Variants in ZNF705G observed in about 807,000 individuals in gnomAD.
The protein encoded by ZNF705G is putative zinc finger protein 705G.
ZNF705G carries 23 observed loss-of-function variants against 19.6 expected under a neutral mutation model. That is an observed-to-expected ratio of 1.17 (90% confidence interval 0.84 to 1.66). ZNF705G has a LOEUF of 1.66. ZNF705G is among the 40% of genes most tolerant of loss of function. The pLI is 0.00. For missense variants in ZNF705G, 457 were observed against 354.4 expected (o/e 1.29, Z -2.32); for synonymous variants, 146 against 117.7 (o/e 1.24, Z -1.56).
At chr8:7,384,848 C>A (rs1331632338) in intron 1 of ZNF705G, among the ~76,000 whole-genome samples, 1 of 146,132 alleles carries the variant, frequency 6.8e-6, no homozygotes, top group Non-Finnish European at 1.5e-5. Context: ...GAACACCTAT[C>A]ACGTACCATG....
intron 1 of ZNF705G, among the ~76,000 whole-genome samples, chr8:7,382,147 A>G (rs1243197388): frequency 6.6e-6 from 1 of 150,958 alleles, no homozygotes; most frequent in East Asian, 1.9e-4. Context: ...TCAAGAGCAA[A>G]TGACTCCACT....
rs774086278 is a variant in ZNF705G, at chr8:7,358,124, C to G, written c.755G>C (p.Gly252Ala). ...NLQRHERTHL[G>A]KKCYECDKSG... ...TTTATCACATTCATAACACTTTTTTCCAAGGTGAGTTCTCTCATGTCTTTG... is the reference window on the plus strand; with the variant it reads ...TTTATCACATTCATAACACTTTTTTGCAAGGTGAGTTCTCTCATGTCTTTG... The change falls in exon 7 of 7, where the codon GGA (glycine) becomes GCA (alanine). Residue 252 changes from glycine (G) to alanine (A), a missense_variant. Physicochemically the swap from Gly to Ala is moderately conservative, Grantham distance 60 (BLOSUM62 0). Transcript: ENST00000400156. 2 of 1,607,444 alleles carry G rather than the reference C, an allele frequency of 1.2e-6. No individual in the cohort carries two copies. The highest frequency in any genetic ancestry group is 1.4e-5 in the African/African-American group (1 of 71,002).
intron 2 of ZNF705G, among the ~76,000 whole-genome samples, chr8:7,364,680 C>T (rs1357217989): frequency 6.7e-6 from 1 of 149,632 alleles, no homozygotes; most frequent in Non-Finnish European, 1.5e-5. Context: ...TCTATTTTTA[C>T]TGCCACATTT....
chr8:7,360,856 G>C (rs1412849917), intron 4 of ZNF705G, among the ~76,000 whole-genome samples: 2 of 149,408 alleles, frequency 1.3e-5, no homozygotes, highest in East Asian at 1.9e-4. Context: ...ATGAGTATTA[G>C]AGACTGAGTA....
intron 1 of ZNF705G, among the ~76,000 whole-genome samples, chr8:7,384,313 G>C (rs1463728635): frequency 1.4e-5 from 2 of 145,430 alleles, no homozygotes; most frequent in Non-Finnish European, 2.9e-5. Context: ...AAAATCTTAG[G>C]AGGAGTCAAT....
Position 7,357,364 on chromosome 8 carries a change from CT to C in ZNF705G, c.*611del, listed in dbSNP as rs1453910577. 2 of 154,294 alleles carry C rather than the reference CT, an allele frequency of 1.3e-5. No individual in the cohort carries two copies. Among genetic ancestry groups the C allele is most frequent in the Non-Finnish European group, 2.8e-5 (2 of 70,460 alleles). 9.6% of individuals were successfully genotyped at this position (154,294 alleles called of 1,614,324 possible). ...TCCATTTTAGCAGCATTTTGTCACT[CT>C]TCTCTTGTGAACATCAAGCCTGGTG... On this transcript the variant is annotated 3_prime_UTR_variant, in exon 7 of 7. Transcript: ENST00000400156.
chr8:7,365,861 G>A (rs1806832824), intron 2 of ZNF705G, among the ~76,000 whole-genome samples: 1 of 149,550 alleles, frequency 6.7e-6, no homozygotes, highest in Non-Finnish European at 1.5e-5. Flanking sequence ...ACAAAACCAT[G>A]TTCTCCAACA....
chr8:7,359,333 A>G (rs1340992820), intron 6 of ZNF705G, among the ~76,000 whole-genome samples: 1 of 149,776 alleles, frequency 6.7e-6, no homozygotes. Context: ...TCTCTTCTGT[A>G]ACATCTCAAC....
intron 2 of ZNF705G, among the ~76,000 whole-genome samples, chr8:7,374,228 A>G (rs553051795): frequency 1.1e-5 from 1 of 90,190 alleles, no homozygotes; most frequent in African/African-American, 5.0e-5. Flanking sequence ...CTGACATAAG[A>G]TTATTATCCT....
At chr8:7,365,826 T>G (rs1305535135) in intron 2 of ZNF705G, among the ~76,000 whole-genome samples, 6 of 149,726 alleles carry the variant, frequency 4.0e-5, no homozygotes, top group Non-Finnish European at 5.9e-5. Context: ...TAGGAATGCA[T>G]TATTAGGTCT....
At position 7,358,273 on chromosome 8, in the gene ZNF705G, A is replaced by G. The variant is rs746593275; in HGVS notation, c.606T>C (p.Cys202=). 1 of 1,607,668 alleles carries G rather than the reference A, an allele frequency of 6.2e-7. No homozygotes were observed. Among genetic ancestry groups the G allele is most frequent in the South Asian group, 1.1e-5 (1 of 90,716 alleles). The stretch of plus-strand genomic sequence containing the variant: ...GAGTGAAGGCTTTTCTACATAGATG[A>G]CATGCATATGGCCTCTCTCCAGTGT... ...MTHTGERPYA[C]HLCRKAFTQC... The change falls in exon 7 of 7, where the codon TGT becomes TGC. Residue 202 remains cysteine (C), a synonymous_variant. Coordinates refer to ENST00000400156, the MANE Select transcript of ZNF705G (RefSeq NM_001164457.3).
chr8:7,381,115 G>A (rs1196227885), intron 2 of ZNF705G, among the ~76,000 whole-genome samples: 1 of 128,468 alleles, frequency 7.8e-6, no homozygotes, highest in Non-Finnish European at 1.5e-5. Flanking sequence ...TTTGTTATTA[G>A]TATTAGTGTT....
At position 7,358,424 on chromosome 8, in the gene ZNF705G, GAT is replaced by G; in HGVS notation, c.453_454del (p.Lys151AsnfsTer4). The G allele has an allele frequency of 6.2e-7, 1 of 1,607,650 alleles. No homozygotes were observed. Among genetic ancestry groups the G allele is most frequent in the South Asian group, 1.1e-5 (1 of 90,710 alleles). ...TTCAGTGGACAAAAGATTACGAAGG[GAT>G]TTTCCACACTGTTTGCTGACATAGG... is the stretch of plus-strand genomic sequence containing the variant. On this transcript the variant is annotated frameshift_variant, in exon 7 of 7. Coordinates refer to ENST00000400156, the MANE Select transcript of ZNF705G (RefSeq NM_001164457.3). LOFTEE classifies it high-confidence loss of function.
chr8:7,363,904 T>A (rs1806722603), intron 2 of ZNF705G, among the ~76,000 whole-genome samples: 1 of 149,496 alleles, frequency 6.7e-6, no homozygotes, highest in South Asian at 2.1e-4. Flanking sequence ...ATCCTGCTAA[T>A]ATAGCCCTTA....
chr8:7,363,661 A>C (rs1318376221), intron 2 of ZNF705G, among the ~76,000 whole-genome samples: 1 of 149,288 alleles, frequency 6.7e-6, no homozygotes. Context: ...TCTGTAGTAA[A>C]AATACAAAAA....
intron 1 of ZNF705G, among the ~76,000 whole-genome samples, chr8:7,384,411 G>A (rs1227442442): frequency 6.9e-6 from 1 of 145,542 alleles, no homozygotes; most frequent in Non-Finnish European, 1.5e-5. Flanking sequence ...GGCAAAGGAT[G>A]TGAACAGACA....
In ZNF705G at chr8:7,368,367, G is replaced by T. The variant is rs577876769; in HGVS notation, c.-71-5350C>A. On this transcript the variant is annotated intron_variant, in intron 2 of 6. Transcript: ENST00000400156. The stretch of plus-strand genomic sequence containing the variant: ...TACTAGAAAGCATTCGCAGTCAAGG[G>T]ATACAACAAGAAACCAGACAAACTA... Among the ~76,000 whole-genome samples, 6 of 149,490 alleles carry T rather than the reference G, an allele frequency of 4.0e-5. No individual in the cohort carries two copies. In the East Asian group the frequency reaches 1.2e-3, roughly 29 times the overall value.
chr8:7,383,546 G>A lies in ZNF705G; in HGVS notation c.-221-1945C>T, dbSNP rs1183069046. Among the ~76,000 whole-genome samples, 3 of 146,586 alleles carry A rather than the reference G, an allele frequency of 2.0e-5. 1 individual carries two copies. Among genetic ancestry groups the A allele is most frequent in the African/African-American group, 5.5e-5 (2 of 36,122 alleles). ...ATGAATGAATAAATTGACAGAGGGA[G>A]GAAGGAGGTAAGGAAGTGCTGTGGC... On this transcript the variant is annotated intron_variant, in intron 1 of 6. Coordinates refer to ENST00000400156, the MANE Select transcript of ZNF705G (RefSeq NM_001164457.3).
In ZNF705G at chr8:7,361,433, T is replaced by C. The variant is rs553084861; in HGVS notation, c.13-197A>G. On this transcript the variant is annotated intron_variant, in intron 3 of 6. Transcript: ENST00000400156. ...AGAGATATACCCACTCTGAATCCATTAAAGTTTACTATAAAGAAATATCAC... is the reference window on the plus strand; with the variant it reads ...AGAGATATACCCACTCTGAATCCATCAAAGTTTACTATAAAGAAATATCAC... Among the ~76,000 whole-genome samples the C allele has an allele frequency of 4.7e-5, 7 of 149,810 alleles. 2 individuals carry two copies. The highest frequency in any genetic ancestry group is 1.8e-4 in the African/African-American group (7 of 39,226).
Sources: gnomAD v4.1 joint callset for allele counts (sites outside exome capture counted in the v4.1 genomes callset) on GRCh38, gnomAD v4.1.1 for gene constraint, MANE v1.5 for transcripts, NCBI Gene and HGNC (gene_info 2026-07-23, HGNC 2026-07-21) for gene names.